Variants in LGR4 observed in about 807,000 individuals in gnomAD.
LGR4 encodes the protein leucine rich repeat containing G protein-coupled receptor 4, also known as leucine-rich repeat-containing G protein-coupled receptor 4.
In LGR4, 44 loss-of-function variants were observed where a neutral mutation model predicts 84.8. That is an observed-to-expected ratio of 0.52 (90% CI 0.41 to 0.67). The LOEUF is 0.67. Among genes scored for constraint, LGR4 ranks in the 30% least tolerant of loss-of-function variants. The pLI is 0.00. For missense variants in LGR4, 1,032 were observed against 1,131.4 expected (o/e 0.91, Z 1.26); for synonymous variants, 429 against 434.3 (o/e 0.99, Z 0.15).
Position 27,462,653 on chromosome 11 carries a change from G to T in LGR4, c.185+9465C>A, listed in dbSNP as rs1235882490. ...TCACTGTTATAACACACAGACAACG[G>T]CTTAGTCACTCCCACAAGAAATGAC... is the stretch of plus-strand genomic sequence containing the variant. On this transcript the variant is annotated intron_variant, in intron 1 of 17. Coordinates refer to ENST00000379214, the MANE Select transcript of LGR4 (RefSeq NM_018490.5). 3.3e-5 allele frequency among the ~76,000 whole-genome samples: 5 copies of T among 152,206 alleles called. No homozygotes were observed. In the East Asian group the frequency reaches 9.7e-4, roughly 30 times the overall value.
At chr11:27,396,893 G>A (rs187453556) in intron 2 of LGR4, among the ~76,000 whole-genome samples, 2 of 152,226 alleles carry the variant, frequency 1.3e-5, no homozygotes, top group East Asian at 3.9e-4. Context: ...AGAGTCCCAG[G>A]CATCAGTTCT....
At chr11:27,422,414 T>G (rs1178750232) in intron 1 of LGR4, among the ~76,000 whole-genome samples, 3 of 152,166 alleles carry the variant, frequency 2.0e-5, no homozygotes, top group Admixed American at 6.5e-5. Flanking sequence ...AACCAATTAA[T>G]AGATTGTGAA....
intron 2 of LGR4, among the ~76,000 whole-genome samples, chr11:27,393,949 G>GGA (rs1863336089): frequency 9.6e-6 from 1 of 103,770 alleles, no homozygotes; most frequent in Non-Finnish European, 2.0e-5. Flanking sequence ...TGGGGGGGGG[G>GGA]GGGGGCGCGG....
intron 1 of LGR4, among the ~76,000 whole-genome samples, chr11:27,423,407 C>T (rs1266369490): frequency 1.3e-5 from 2 of 152,196 alleles, no homozygotes; most frequent in Admixed American, 6.5e-5. Flanking sequence ...TCGCCTCAGG[C>T]GATGAGGCGT....
chr11:27,389,991 G>T (rs1863253045), intron 4 of LGR4, among the ~76,000 whole-genome samples: 1 of 152,070 alleles, frequency 6.6e-6, no homozygotes, highest in South Asian at 2.1e-4. Flanking sequence ...AGAATTGAAT[G>T]GCCAACACCG....
chr11:27,434,359 G>A (rs1051159121), intron 1 of LGR4, among the ~76,000 whole-genome samples: 6 of 152,190 alleles, frequency 3.9e-5, no homozygotes, highest in Admixed American at 3.9e-4. Context: ...CTTTCAATGG[G>A]AAAGGAAGGA....
rs150174926 is a variant in LGR4 at position 27,368,394 on chromosome 11, T to C, written c.2329A>G (p.Ile777Val). The change falls in exon 18 of 18, where the codon ATC becomes GTC. Residue 777 changes from isoleucine to valine, a missense_variant. Transcript: ENST00000379214. ...SFAPLITAIS[I>V]SPEIMKSVTL... ...ACAGACTTCATTATTTCGGGGCTGA[T>C]AGAGATTGCAGTGATCAATGGTGCA... 95 of 1,613,958 alleles carry C rather than the reference T, an allele frequency of 5.9e-5. No homozygotes were observed. Among genetic ancestry groups the C allele is most frequent in the Non-Finnish European group, 7.7e-5 (91 of 1,180,004 alleles).
At chr11:27,455,581 A>C (rs1864559983) in intron 1 of LGR4, among the ~76,000 whole-genome samples, 1 of 152,242 alleles carries the variant, frequency 6.6e-6, no homozygotes, top group South Asian at 2.1e-4. Context: ...CCACTGCATT[A>C]GATGACCTTT....
chr11:27,459,357 A>G (rs945749705), intron 1 of LGR4, among the ~76,000 whole-genome samples: 13 of 152,102 alleles, frequency 8.5e-5, no homozygotes, highest in Non-Finnish European at 1.6e-4. Context: ...GATGAAATGG[A>G]TGTCATTACT....
intron 1 of LGR4, among the ~76,000 whole-genome samples, chr11:27,450,403 G>A (rs2133443131): frequency 6.6e-6 from 1 of 152,244 alleles, no homozygotes; most frequent in South Asian, 2.1e-4. Context: ...GTAGAAAATA[G>A]ACACTTTCAA....
rs371840190 is a variant in LGR4 at position 27,431,014 on chromosome 11, T to G, written c.186-18154A>C. On this transcript the variant is annotated intron_variant, in intron 1 of 17. Coordinates refer to ENST00000379214, the MANE Select transcript of LGR4 (RefSeq NM_018490.5). The stretch of plus-strand genomic sequence containing the variant: ...TAGCACCTCCTTCTTACCTCCTGGT[T>G]TTCTCTCAAATGTCACCCCTTCAGA... Among the ~76,000 whole-genome samples the G allele has an allele frequency of 9.9e-5, 15 of 152,234 alleles. 1 individual carries two copies. The East Asian group carries it at 1.9e-3, about 20-fold the overall frequency.
In LGR4 at chr11:27,392,368, T is replaced by C. The variant is rs983959710; in HGVS notation, c.329+79A>G. On this transcript the variant is annotated intron_variant, in intron 3 of 17. Coordinates refer to ENST00000379214, the MANE Select transcript of LGR4 (RefSeq NM_018490.5). Reference sequence around the variant, plus strand: ...ATCCTGAACTAAAAGAAACTGTGCTTAACCTAGTTCCAAGCATGTTGACTA... The same window carrying C: ...ATCCTGAACTAAAAGAAACTGTGCTCAACCTAGTTCCAAGCATGTTGACTA... The C allele has an allele frequency of 2.7e-6, 3 of 1,120,136 alleles. No homozygotes were observed. The Admixed American group carries it at 8.6e-5, about 32-fold the overall frequency. 69.4% of individuals were successfully genotyped at this position (1,120,136 alleles called of 1,614,324 possible). A position where few individuals can be genotyped will look rare whatever the true frequency, so the allele number is the denominator to read the frequency against.
At chr11:27,407,084 TACTA>T (rs1225642844) in intron 2 of LGR4, among the ~76,000 whole-genome samples, 1 of 152,182 alleles carries the variant, frequency 6.6e-6, no homozygotes, top group Non-Finnish European at 1.5e-5. Context: ...CTTAGTTACA[TACTA>T]ACTGTGTTAC....
chr11:27,390,953 T>C, intron 4 of LGR4, 141 bp downstream of exon 4: 1 of 547,932 alleles, frequency 1.8e-6, no homozygotes, highest in South Asian at 2.9e-5. Flanking sequence ...CCAAAGGACG[T>C]TTTGATAACA....
chr11:27,392,452 T>C lies in LGR4; in HGVS notation c.324A>G (p.Lys108=). The change falls in exon 3 of 18, where the codon AAA becomes AAG. Residue 108 remains lysine (K), a synonymous_variant. Transcript: ENST00000379214. The part of the protein sequence containing the change: ...PKALSGLKEL[K]VLTLQNNQLK... ...TCTAAAATTGCATTACTTACAGAAC[T>C]TTGAGTTCTTTCAACCCAGACAAGG... The C allele has an allele frequency of 6.3e-7, 1 of 1,591,194 alleles. No homozygotes were observed. The highest frequency in any genetic ancestry group is 1.2e-5 in the South Asian group (1 of 85,564).
intron 4 of LGR4, among the ~76,000 whole-genome samples, chr11:27,388,337 T>C (rs1863223495): frequency 6.6e-6 from 1 of 152,140 alleles, no homozygotes; most frequent in Non-Finnish European, 1.5e-5. Flanking sequence ...ATTCTATTAG[T>C]ATTCACCCCA....
intron 15 of LGR4, chr11:27,373,350 G>C (rs1047125725): frequency 4.5e-6 from 2 of 447,334 alleles, no homozygotes; most frequent in Non-Finnish European, 7.9e-6. Flanking sequence ...AGGCCATCAA[G>C]GGCTCCAGTT....
At position 27,385,305 on chromosome 11, in the gene LGR4, T is replaced by C; in HGVS notation, c.565A>G (p.Ile189Val). Reference sequence around the variant, plus strand: ...AATGCAAAGTCAGGGATGCTTGAGATCTTGTTGAGAGCCAGGGTCAGCGCC... The same window carrying C: ...AATGCAAAGTCAGGGATGCTTGAGACCTTGTTGAGAGCCAGGGTCAGCGCC... The part of the protein sequence containing the change: ...LQALTLALNK[I>V]SSIPDFAFTN... Residue 189 changes from isoleucine to valine, a missense_variant, in exon 5 of 18, where the codon ATC (isoleucine) becomes GTC (valine). Ile to Val is a conservative substitution (Grantham distance 29). Transcript: ENST00000379214. 1 of 1,604,978 alleles carries C rather than the reference T, an allele frequency of 6.2e-7. No homozygotes were observed.
intron 4 of LGR4, among the ~76,000 whole-genome samples, chr11:27,385,815 C>CAAAA (rs66507121): frequency 1.6e-4 from 24 of 146,912 alleles, no homozygotes; most frequent in East Asian, 4.0e-4. Context: ...ATCAGGCATA[C>CAAAA]AAAAAAAAAA....
Sources: gnomAD v4.1 joint callset for allele counts (sites outside exome capture counted in the v4.1 genomes callset) on GRCh38, gnomAD v4.1.1 for gene constraint, MANE v1.5 for transcripts, NCBI Gene and HGNC (gene_info 2026-07-23, HGNC 2026-07-21) for gene names.